The following TCEA2 variants were observed in gnomAD, a reference collection of about 807,000 sequenced individuals.
TCEA2 encodes transcription elongation factor A2.
A neutral mutation model predicts 40.8 loss-of-function variants in TCEA2; 21 were observed. The ratio of observed to expected loss-of-function variants is 0.51; its 90% CI spans 0.36 to 0.74. TCEA2 has a LOEUF of 0.74. Among genes scored for constraint, TCEA2 ranks in the 30% least tolerant of loss-of-function variants. The pLI, the probability that TCEA2 is intolerant of heterozygous loss-of-function variation, is 0.00. For missense variants in TCEA2, 326 were observed against 426.5 expected (o/e 0.76, Z 2.08); for synonymous variants, 165 against 162.7 (o/e 1.01, Z -0.11).
chr20:64,066,347 G>T, intron 1 of TCEA2, 129 bp from the exon 2 acceptor site: 1 of 1,169,830 alleles, frequency 8.5e-7, no homozygotes, highest in Non-Finnish European at 1.2e-6. Context: ...AGGAATTTTG[G>T]TTTCTTTTTG....
At chr20:64,067,140 T>C (rs1037029117) in intron 3 of TCEA2, 120 bp downstream of exon 3, 1 of 1,024,900 alleles carries the variant, frequency 9.8e-7, no homozygotes, top group East Asian at 2.6e-5. Flanking sequence ...CGCTTGGGAG[T>C]GGGGCAGTGG....
chr20:64,067,041 A>G, intron 3 of TCEA2, 21 bp downstream of exon 3: 1 of 1,597,616 alleles, frequency 6.3e-7, no homozygotes, highest in Non-Finnish European at 8.5e-7. Context: ...GGCGGTGCCC[A>G]CTGAGTGCTG....
At chr20:64,063,832 T>G (rs2059625078) in intron 1 of TCEA2, 1 of 167,214 alleles carries the variant, frequency 6.0e-6, no homozygotes, top group Non-Finnish European at 1.3e-5. Flanking sequence ...GGCCTGGGCA[T>G]CCTCACAGGC....
chr20:64,070,013 C>T, intron 6 of TCEA2, 192 bp downstream of exon 6: 1 of 887,708 alleles, frequency 1.1e-6, no homozygotes, highest in Non-Finnish European at 1.8e-6. Flanking sequence ...AGGGCTGATT[C>T]TGTCTGCTTG....
At chr20:64,065,309 T>C (rs2059665350) in intron 1 of TCEA2, among the ~76,000 whole-genome samples, 1 of 151,674 alleles carries the variant, frequency 6.6e-6, no homozygotes, top group Non-Finnish European at 1.5e-5. Flanking sequence ...GAGCAGACTA[T>C]GCCACCCGGA....
At chr20:64,070,453 G>A (rs987633201) in intron 7 of TCEA2, 36 bp from the exon 8 acceptor site, 6 of 1,613,578 alleles carry the variant, frequency 3.7e-6, no homozygotes, top group Admixed American at 3.3e-5. Flanking sequence ...CTGCTCCCTC[G>A]GAGCGGTGGG....
upstream of TCEA2, among the ~76,000 whole-genome samples, chr20:64,061,125 C>T (rs1208405704): frequency 1.3e-5 from 1 of 76,354 alleles, no homozygotes; most frequent in Non-Finnish European, 2.4e-5. Context: ...TTTTTGGAGA[C>T]AGTCTCACTC....
At chr20:64,062,092 T>C (rs1013613477), upstream of TCEA2, among the ~76,000 whole-genome samples, 44 of 152,330 alleles carry the variant, frequency 2.9e-4, 1 homozygote, top group Admixed American at 2.6e-3. Flanking sequence ...AGCTCAGTTA[T>C]ATGTGATTAG....
intron 1 of TCEA2, 101 bp downstream of exon 1, chr20:64,063,485 G>A: frequency 7.6e-7 from 1 of 1,312,974 alleles, no homozygotes; most frequent in Non-Finnish European, 1.0e-6. Context: ...CTGAGGGGCA[G>A]GACGAGACCC....
At chr20:64,060,253 C>A (rs752495216), upstream of TCEA2, among the ~76,000 whole-genome samples, 17 of 152,198 alleles carry the variant, frequency 1.1e-4, no homozygotes, top group South Asian at 2.1e-4. Context: ...GTCTCCCCCC[C>A]ACCCCCAGCT....
At chr20:64,062,069 T>C (rs2059577420), upstream of TCEA2, among the ~76,000 whole-genome samples, 2 of 152,236 alleles carry the variant, frequency 1.3e-5, no homozygotes, top group Admixed American at 1.3e-4. Flanking sequence ...CCTTTTCATT[T>C]TGGCTGCGGG....
intron 1 of TCEA2, 115 bp from the exon 2 acceptor site, chr20:64,066,361 C>T: frequency 2.3e-6 from 3 of 1,329,832 alleles, no homozygotes; most frequent in Non-Finnish European, 3.2e-6. Flanking sequence ...CTTTTTGACC[C>T]CAGGTTGAAT....
chr20:64,061,896 T>A (rs1264456938), upstream of TCEA2, among the ~76,000 whole-genome samples: 1 of 151,738 alleles, frequency 6.6e-6, no homozygotes, highest in African/African-American at 2.4e-5. Context: ...ACCTGGCTAG[T>A]TTTTGTATTC....
intron 4 of TCEA2, 91 bp downstream of exon 4, chr20:64,068,225 A>G: frequency 1.7e-6 from 2 of 1,191,330 alleles, no homozygotes; most frequent in Non-Finnish European, 2.4e-6. Flanking sequence ...GTGCCTAGGC[A>G]CTGCTTTGAG....
At chr20:64,069,907 T>C (rs768183933) in intron 6 of TCEA2, 86 bp downstream of exon 6, 3 of 1,507,164 alleles carry the variant, frequency 2.0e-6, no homozygotes, top group South Asian at 2.3e-5. Context: ...GGCTGCTGGA[T>C]GCCACTGCCC....
chr20:64,059,254 A>C (rs1298725012), upstream of TCEA2, among the ~76,000 whole-genome samples: 1 of 150,384 alleles, frequency 6.6e-6, no homozygotes, highest in Admixed American at 6.6e-5. Flanking sequence ...ATTTTCTGTC[A>C]GGGGTTTGGT....
At chr20:64,071,793 G>A (rs543950628) in intron 8 of TCEA2, 77 bp from the exon 9 acceptor site, 29 of 1,552,094 alleles carry the variant, frequency 1.9e-5, no homozygotes, top group South Asian at 4.7e-5. Flanking sequence ...TGCGAGGCCC[G>A]CACTGCCCAT....
At chr20:64,069,191 G>A (rs889145535) in intron 4 of TCEA2, among the ~76,000 whole-genome samples, 170 bp from the exon 5 acceptor site, 16 of 152,242 alleles carry the variant, frequency 1.1e-4, no homozygotes, top group African/African-American at 3.9e-4. Context: ...GGACATCTGG[G>A]CTGGACTCAA....
At chr20:64,072,129 T>C in intron 9 of TCEA2, 43 bp from the exon 10 acceptor site, 2 of 1,612,172 alleles carry the variant, frequency 1.2e-6, no homozygotes, top group Non-Finnish European at 1.7e-6. Context: ...CTGGGGGATC[T>C]CATGTGGCCA....
Sources: gnomAD v4.1 joint callset for allele counts (sites outside exome capture counted in the v4.1 genomes callset) on GRCh38, gnomAD v4.1.1 for gene constraint, MANE v1.5 for transcripts, NCBI Gene and HGNC (gene_info 2026-07-23, HGNC 2026-07-21) for gene names.